IGSF11: variants seen among roughly 807,000 people sequenced by gnomAD.
IGSF11 encodes the protein CXADR like 1.
IGSF11 carries 22 observed loss-of-function variants against 41.0 expected under a neutral mutation model. That is an observed-to-expected ratio of 0.54 (90% CI 0.38 to 0.77). The LOEUF (loss-of-function observed/expected upper bound fraction) is 0.77, where lower values mean the gene tolerates loss of function less well. Ranked by LOEUF, IGSF11 falls within the 30% of genes least tolerant of loss-of-function variation. The probability of loss-of-function intolerance (pLI) is 0.00; values close to 1 mark genes in which losing one functional copy is unlikely to be tolerated. For missense variants in IGSF11, 444 were observed against 530.8 expected (o/e 0.84, Z 1.61); for synonymous variants, 219 against 201.3 (o/e 1.09, Z -0.74).
intron 4 of IGSF11, among the ~76,000 whole-genome samples, chr3:118,911,999 G>A (rs920733605): frequency 1.3e-5 from 2 of 151,914 alleles, no homozygotes; most frequent in South Asian, 2.1e-4. Context: ...AAAGGATGAG[G>A]AAAACAGAGG....
At chr3:119,083,274 C>G (rs1350841278) in intron 1 of IGSF11, among the ~76,000 whole-genome samples, 1 of 151,832 alleles carries the variant, frequency 6.6e-6, no homozygotes, top group Non-Finnish European at 1.5e-5. Flanking sequence ...AACAAGCCAC[C>G]ATGCCCAGCT....
intron 1 of IGSF11, among the ~76,000 whole-genome samples, chr3:119,070,520 C>A (rs1429356833): frequency 6.6e-6 from 1 of 152,184 alleles, no homozygotes; most frequent in Non-Finnish European, 1.5e-5. Flanking sequence ...TTTTTAAAAT[C>A]GTGTCCTATC....
chr3:119,005,943 T>G (rs889559868), intron 1 of IGSF11, among the ~76,000 whole-genome samples: 2 of 138,350 alleles, frequency 1.4e-5, no homozygotes, highest in African/African-American at 6.1e-5. Context: ...TTATGTGTCT[T>G]GGAGTTGTTC....
At chr3:119,071,591 C>T (rs565060824) in intron 1 of IGSF11, among the ~76,000 whole-genome samples, 70 of 152,140 alleles carry the variant, frequency 4.6e-4, no homozygotes, top group African/African-American at 1.3e-3. Context: ...ATTCTTTTCC[C>T]ATTGAATAAT....
intron 1 of IGSF11, among the ~76,000 whole-genome samples, chr3:119,019,099 T>C (rs563795786): frequency 1.3e-5 from 2 of 152,234 alleles, no homozygotes; most frequent in African/African-American, 4.8e-5. Context: ...CAATAAACCA[T>C]TGCAGTGCAG....
At chr3:118,944,201 G>C (rs1047274520) in intron 1 of IGSF11, among the ~76,000 whole-genome samples, 26 of 152,266 alleles carry the variant, frequency 1.7e-4, no homozygotes, top group African/African-American at 6.0e-4. Context: ...TGGAAGTAAA[G>C]AGTTTGGTTA....
chr3:119,024,849 T>C (rs1232208495), intron 1 of IGSF11, among the ~76,000 whole-genome samples: 1 of 152,118 alleles, frequency 6.6e-6, no homozygotes, highest in African/African-American at 2.4e-5. Flanking sequence ...GTTAAAGGAT[T>C]AGAATACAGT....
At chr3:119,099,624 A>G (rs1481185426) in intron 1 of IGSF11, among the ~76,000 whole-genome samples, 1 of 152,222 alleles carries the variant, frequency 6.6e-6, no homozygotes, top group Non-Finnish European at 1.5e-5. Context: ...ATTTTGGAAA[A>G]GATGACTAGT....
chr3:118,996,284 C>T (rs947664659), intron 1 of IGSF11, among the ~76,000 whole-genome samples: 3 of 152,194 alleles, frequency 2.0e-5, no homozygotes, highest in East Asian at 1.9e-4. Context: ...GTGCTTGAGA[C>T]AGAAGCCTCA....
chr3:118,910,778 G>A (rs1940177848), intron 4 of IGSF11, among the ~76,000 whole-genome samples: 1 of 152,088 alleles, frequency 6.6e-6, no homozygotes, highest in African/African-American at 2.4e-5. Flanking sequence ...TTTTACACTT[G>A]CAAGATTTTG....
intron 1 of IGSF11, among the ~76,000 whole-genome samples, chr3:118,955,835 A>T (rs1323100525): frequency 6.6e-6 from 1 of 152,106 alleles, no homozygotes; most frequent in Non-Finnish European, 1.5e-5. Context: ...TCCTAACAGG[A>T]GAGTCAGCCT....
rs545880971 is a variant in IGSF11, at chr3:119,058,406, A to G, written c.49+46738T>C. ...CATCACTGGCCATCAGAGAAATGTA[A>G]ATCAAAACCACAATGAGATACCATC... On this transcript the variant is annotated intron_variant, in intron 1 of 6. Coordinates refer to the IGSF11 transcript ENST00000354673. Among the ~76,000 whole-genome samples, 1,322 of 152,318 alleles carry G rather than the reference A, an allele frequency of 8.7e-3. 26 individuals carry two copies. Among genetic ancestry groups the G allele is most frequent in the African/African-American group, 0.03 (1,244 of 41,562 alleles).
intron 1 of IGSF11, among the ~76,000 whole-genome samples, chr3:119,131,679 C>T (rs2077483887): frequency 6.6e-6 from 1 of 152,072 alleles, no homozygotes; most frequent in African/African-American, 2.4e-5. Flanking sequence ...GGCCAACATT[C>T]AAATTCAGGA....
At chr3:118,999,924 T>A (rs1040758951) in intron 1 of IGSF11, among the ~76,000 whole-genome samples, 1 of 151,938 alleles carries the variant, frequency 6.6e-6, no homozygotes, top group Non-Finnish European at 1.5e-5. Flanking sequence ...AAAACAAAAA[T>A]CAACAATGTA....
intron 1 of IGSF11, among the ~76,000 whole-genome samples, chr3:118,942,497 T>C (rs1943775138): frequency 6.6e-6 from 1 of 152,194 alleles, no homozygotes; most frequent in Non-Finnish European, 1.5e-5. Context: ...GGCCAGAGAC[T>C]CTCTATGTGA....
At chr3:119,045,567 A>G (rs1941309164) in intron 1 of IGSF11, among the ~76,000 whole-genome samples, 4 of 151,902 alleles carry the variant, frequency 2.6e-5, no homozygotes, top group Admixed American at 2.0e-4. Context: ...AGGCTGGGGG[A>G]GGGGCGCCCA....
chr3:119,013,536 T>A (rs1428763278), intron 1 of IGSF11, among the ~76,000 whole-genome samples: 1 of 152,262 alleles, frequency 6.6e-6, no homozygotes, highest in Non-Finnish European at 1.5e-5. Flanking sequence ...CAATGAATTT[T>A]GGTAATTGAA....
intron 1 of IGSF11, among the ~76,000 whole-genome samples, chr3:119,058,145 C>T (rs1232446074): frequency 6.6e-6 from 1 of 152,138 alleles, no homozygotes; most frequent in Non-Finnish European, 1.5e-5. Flanking sequence ...AACTCAAGAG[C>T]TTCTGCACAG....
At chr3:118,934,570 C>T (rs1356652174) in intron 1 of IGSF11, among the ~76,000 whole-genome samples, 1 of 152,168 alleles carries the variant, frequency 6.6e-6, no homozygotes, top group Non-Finnish European at 1.5e-5. Flanking sequence ...TATATCTCTA[C>T]TCAAAACCTC....
Sources: gnomAD v4.1 joint callset for allele counts (sites outside exome capture counted in the v4.1 genomes callset) on GRCh38, gnomAD v4.1.1 for gene constraint, MANE v1.5 for transcripts, NCBI Gene and HGNC (gene_info 2026-07-23, HGNC 2026-07-21) for gene names.